SSH2: variants seen among roughly 807,000 people sequenced by gnomAD.
SSH2 encodes the protein protein phosphatase Slingshot homolog 2.
A neutral mutation model predicts 135.2 loss-of-function variants in SSH2; 37 were observed. The ratio of observed to expected loss-of-function variants is 0.27; its 90% CI spans 0.21 to 0.36. The LOEUF (loss-of-function observed/expected upper bound fraction) is 0.36. Ranked by LOEUF, SSH2 falls within the 10% of genes least tolerant of loss-of-function variation. The pLI is 1.00. For missense variants in SSH2, 1,408 were observed against 1,765.3 expected (o/e 0.80, Z 3.63); for synonymous variants, 628 against 646.2 (o/e 0.97, Z 0.43).
At chr17:29,708,024 C>T (rs2039277701) in intron 3 of SSH2, among the ~76,000 whole-genome samples, 1 of 151,960 alleles carries the variant, frequency 6.6e-6, no homozygotes, top group Admixed American at 6.6e-5. Flanking sequence ...AATCTCTTAT[C>T]ATAACAGAAA....
At chr17:29,838,526 G>A (rs984198142) in intron 2 of SSH2, among the ~76,000 whole-genome samples, 7 of 152,200 alleles carry the variant, frequency 4.6e-5, no homozygotes, top group Non-Finnish European at 1.0e-4. Context: ...GGCTGCCCAC[G>A]TCCACTCATG....
At chr17:29,810,641 C>G (rs1008930742) in intron 2 of SSH2, among the ~76,000 whole-genome samples, 62 of 152,228 alleles carry the variant, frequency 4.1e-4, no homozygotes, top group African/African-American at 1.4e-3. Context: ...TAATCATACA[C>G]TAAATATTTT....
chr17:29,675,106 G>A (rs1350410039), intron 8 of SSH2, among the ~76,000 whole-genome samples: 1 of 152,100 alleles, frequency 6.6e-6, no homozygotes, highest in Non-Finnish European at 1.5e-5. Flanking sequence ...AGTCAAAGGG[G>A]GTCATAAATT....
At chr17:29,853,138 G>A (rs1316998607) in intron 1 of SSH2, among the ~76,000 whole-genome samples, 1 of 149,142 alleles carries the variant, frequency 6.7e-6, no homozygotes, top group Non-Finnish European at 1.5e-5. Flanking sequence ...CCAGGCGGGA[G>A]TGCAGTGGCG....
chr17:29,869,183 C>T (rs2065902514), intron 1 of SSH2, among the ~76,000 whole-genome samples: 1 of 152,142 alleles, frequency 6.6e-6, no homozygotes, highest in Non-Finnish European at 1.5e-5. Flanking sequence ...GAGAGATGGT[C>T]AATACAAGGG....
intron 1 of SSH2, among the ~76,000 whole-genome samples, chr17:29,911,039 G>A (rs1194110978): frequency 6.6e-6 from 1 of 152,124 alleles, no homozygotes; most frequent in Non-Finnish European, 1.5e-5. Flanking sequence ...GATCCATGCT[G>A]TTGAAGCCCT....
rs541099617 is a variant in SSH2, at chr17:29,853,149, C to T, written c.64-4220G>A. On this transcript the variant is annotated intron_variant, in intron 1 of 15. Coordinates refer to ENST00000540801, the MANE Select transcript of SSH2 (RefSeq NM_001282129.2). ...TTGCCCAGGCGGGAGTGCAGTGGCG[C>T]GATCTCTGCTCACTGCAGCCTATGC... Among the ~76,000 whole-genome samples the T allele has an allele frequency of 9.5e-5, 14 of 148,138 alleles. 1 individual carries two copies. Among genetic ancestry groups the T allele is most frequent in the African/African-American group, 3.3e-4 (13 of 39,930 alleles).
chr17:29,662,804 A>G (rs1048251111), intron 11 of SSH2, among the ~76,000 whole-genome samples: 1 of 152,212 alleles, frequency 6.6e-6, no homozygotes, highest in Non-Finnish European at 1.5e-5. Flanking sequence ...TATGAAAAGG[A>G]AACACTTTCC....
chr17:29,810,490 C>A (rs1004098533), intron 2 of SSH2, among the ~76,000 whole-genome samples: 1 of 152,102 alleles, frequency 6.6e-6, no homozygotes, highest in Non-Finnish European at 1.5e-5. Flanking sequence ...GAAAATAGTT[C>A]ATTAATTCAT....
intron 3 of SSH2, among the ~76,000 whole-genome samples, chr17:29,769,613 T>A (rs143227715): frequency 5.1e-4 from 78 of 152,320 alleles, no homozygotes; most frequent in African/African-American, 1.8e-3. Context: ...TTGTGAATGA[T>A]GATGGCATCA....
intron 1 of SSH2, among the ~76,000 whole-genome samples, chr17:29,887,851 GA>G (rs1010009290): frequency 1.3e-5 from 2 of 152,164 alleles, no homozygotes; most frequent in Non-Finnish European, 2.9e-5. Context: ...TTAATGTGAA[GA>G]AAACATTTCC....
intron 2 of SSH2, among the ~76,000 whole-genome samples, chr17:29,842,023 T>C (rs1319759156): frequency 6.7e-6 from 1 of 149,720 alleles, no homozygotes; most frequent in South Asian, 2.2e-4. Context: ...TGTGCACCAC[T>C]GTCCCCAGCC....
rs547910247 is a variant in SSH2, at chr17:29,901,291, A to C, written c.63+28647T>G. Among the ~76,000 whole-genome samples the C allele has an allele frequency of 1.9e-4, 29 of 152,222 alleles. No homozygotes were observed. In the East Asian group the frequency reaches 4.2e-3, roughly 22 times the overall value. Reference sequence around the variant, plus strand: ...CTTAAAGTATAATAATAAAAAAAAAACAATGTTTTCTCTCTCAGTAAGATG... The same window carrying C: ...CTTAAAGTATAATAATAAAAAAAAACCAATGTTTTCTCTCTCAGTAAGATG... On this transcript the variant is annotated intron_variant, in intron 1 of 15. Transcript: ENST00000540801.
At chr17:29,675,572 C>G (rs147260195) in intron 8 of SSH2, among the ~76,000 whole-genome samples, 1 of 151,752 alleles carries the variant, frequency 6.6e-6, no homozygotes, top group Non-Finnish European at 1.5e-5. Context: ...GGCAGGAGGA[C>G]GGCTTGAGGC....
At chr17:29,768,373 C>T (rs117130247) in intron 3 of SSH2, among the ~76,000 whole-genome samples, 2,300 of 150,030 alleles carry the variant, frequency 0.015, 24 homozygotes, top group Middle Eastern at 0.065. Context: ...GCTCACTGCA[C>T]TCTTAACCGC....
chr17:29,819,622 G>A (rs1275682231), intron 2 of SSH2, among the ~76,000 whole-genome samples: 1 of 152,154 alleles, frequency 6.6e-6, no homozygotes, highest in East Asian at 1.9e-4. Context: ...AGAAAATCAG[G>A]AATAGCTTTC....
chr17:29,654,416 A>G (rs1190515822), intron 12 of SSH2, among the ~76,000 whole-genome samples: 1 of 152,000 alleles, frequency 6.6e-6, no homozygotes, highest in Non-Finnish European at 1.5e-5. Context: ...CATTTGGCCA[A>G]TTATGAAATA....
chr17:29,735,761 C>T (rs1354724850), intron 3 of SSH2, among the ~76,000 whole-genome samples: 1 of 150,872 alleles, frequency 6.6e-6, no homozygotes, highest in Non-Finnish European at 1.5e-5. Context: ...CCTATTAAGA[C>T]CCTCTACCTG....
At chr17:29,815,066 G>A (rs370466626) in intron 2 of SSH2, among the ~76,000 whole-genome samples, 3 of 148,598 alleles carry the variant, frequency 2.0e-5, no homozygotes, top group South Asian at 2.1e-4. Context: ...CTCTTGCTTC[G>A]GCTACCCAAG....
Sources: gnomAD v4.1 joint callset for allele counts (sites outside exome capture counted in the v4.1 genomes callset) on GRCh38, gnomAD v4.1.1 for gene constraint, MANE v1.5 for transcripts, NCBI Gene and HGNC (gene_info 2026-07-23, HGNC 2026-07-21) for gene names.